The following NPHP4 variants were observed in gnomAD, a reference collection of about 807,000 sequenced individuals.
NPHP4 encodes nephrocystin 4, also known as nephrocystin-4.
In NPHP4, 151 loss-of-function variants were observed where a neutral mutation model predicts 155.8. That is an observed-to-expected ratio of 0.97 (90% CI 0.85 to 1.11). The LOEUF (loss-of-function observed/expected upper bound fraction) is 1.11, where lower values mean the gene tolerates loss of function less well. Ranked by LOEUF, NPHP4 falls within the 50% of genes least tolerant of loss-of-function variation. NPHP4 has a pLI of 0.00. For missense variants in NPHP4, 1,956 were observed against 1,925.7 expected, an observed-to-expected ratio of 1.02 and a Z score of -0.29; for synonymous variants, 845 against 816.8, an observed-to-expected ratio of 1.03 and a Z score of -0.59.
chr1:5,924,243 G>A (rs994545048), intron 11 of NPHP4, among the ~76,000 whole-genome samples: 2 of 152,166 alleles, frequency 1.3e-5, no homozygotes, highest in East Asian at 1.9e-4. Context: ...CGAGCTGTGA[G>A]GCAATTTCTG....
At chr1:5,936,485 C>T (rs898747692) in intron 9 of NPHP4, among the ~76,000 whole-genome samples, 7 of 152,106 alleles carry the variant, frequency 4.6e-5, no homozygotes, top group Admixed American at 6.6e-5. Flanking sequence ...ATTCCTTTTC[C>T]TGCCCAACTT....
In NPHP4 at chr1:5,967,510, G is replaced by A. The variant is rs1651751626; in HGVS notation, c.453-147C>T. On this transcript the variant is annotated intron_variant, in intron 4 of 29. Transcript: ENST00000378156. ...CTCTGCGGAAGGCAGAGGCAGCTGAGGCCAGCAGCAGCTCCCCAAGCCGTT... is the reference window on the plus strand; with the variant it reads ...CTCTGCGGAAGGCAGAGGCAGCTGAAGCCAGCAGCAGCTCCCCAAGCCGTT... The A allele has an allele frequency of 9.1e-6, 6 of 662,216 alleles. No individual in the cohort carries two copies. In the East Asian group the frequency reaches 1.6e-4, roughly 18 times the overall value. The allele number at this position is 662,216 out of a possible 1,614,324, so 41.0% of individuals were successfully genotyped here. A position where few individuals can be genotyped will look rare whatever the true frequency, so the allele number is the denominator to read the frequency against.
chr1:5,907,167 G>A lies in NPHP4; in HGVS notation c.1559C>T (p.Ala520Val), dbSNP rs747659182. Residue 520 changes from alanine to valine, a missense_variant, in exon 13 of 30, where the codon GCC becomes GTC. Physicochemically the swap from Ala to Val is moderately conservative, Grantham distance 64. Transcript: ENST00000378156. ...SPRSPTQHCL[A>V]RPTSQLPHGS... ...ATGGGGTAGCTGTGAAGTAGGCCTG[G>A]CCAAGCAGTGCTGAGTCGGGGACCG... 6 of 1,589,912 alleles carry A rather than the reference G, an allele frequency of 3.8e-6. No individual in the cohort carries two copies. The highest frequency in any genetic ancestry group is 5.1e-6 in the Non-Finnish European group (6 of 1,167,638).
chr1:5,968,452 A>G (rs1480738635), intron 4 of NPHP4, among the ~76,000 whole-genome samples: 2 of 152,118 alleles, frequency 1.3e-5, no homozygotes, highest in African/African-American at 2.4e-5. Flanking sequence ...AAACACAAAA[A>G]TTAGCCAGGC....
intron 18 of NPHP4, among the ~76,000 whole-genome samples, chr1:5,884,046 G>A (rs1643548439): frequency 6.6e-6 from 1 of 152,296 alleles, no homozygotes; most frequent in Non-Finnish European, 1.5e-5. Flanking sequence ...CAGGTAAGCT[G>A]AATTTACACT....
chr1:5,967,285 G>C lies in NPHP4; in HGVS notation c.517+14C>G. ...AGAGCAGTGAGTGCTGCCAAGGCCA[G>C]GTCTGGCTCTTACGCTCTGCGGGGT... On this transcript the variant is annotated intron_variant, in intron 5 of 29. Coordinates refer to ENST00000378156, the MANE Select transcript of NPHP4 (RefSeq NM_015102.5). 1 of 1,594,300 alleles carries C rather than the reference G, an allele frequency of 6.3e-7. No homozygotes were observed. The highest frequency in any genetic ancestry group is 8.5e-7 in the Non-Finnish European group (1 of 1,170,450).
intron 7 of NPHP4, among the ~76,000 whole-genome samples, chr1:5,948,937 G>C (rs1313899528): frequency 6.6e-6 from 1 of 152,170 alleles, no homozygotes; most frequent in East Asian, 1.9e-4. Context: ...TAAATTATGT[G>C]ATCTTTGCAA....
chr1:5,920,065 G>A (rs1363776037), intron 11 of NPHP4, among the ~76,000 whole-genome samples: 1 of 152,120 alleles, frequency 6.6e-6, no homozygotes, highest in Non-Finnish European at 1.5e-5. Context: ...CCGAGTAGCT[G>A]GGACTACAGG....
At chr1:5,900,428 C>T (rs142919298) in intron 16 of NPHP4, among the ~76,000 whole-genome samples, 1 of 152,260 alleles carries the variant, frequency 6.6e-6, no homozygotes, top group Non-Finnish European at 1.5e-5. Flanking sequence ...GAACTAAATG[C>T]ACAGTGCTGG....
intron 25 of NPHP4, among the ~76,000 whole-genome samples, 177 bp from the exon 26 acceptor site, chr1:5,866,635 A>G (rs1641263491): frequency 6.6e-6 from 1 of 152,202 alleles, no homozygotes; most frequent in African/African-American, 2.4e-5. Context: ...AGAGAAGATC[A>G]TTAGCTTCCT....
intron 1 of NPHP4, among the ~76,000 whole-genome samples, chr1:5,989,114 A>G (rs1655889540): frequency 3.9e-5 from 6 of 151,968 alleles, no homozygotes; most frequent in Admixed American, 3.9e-4. Context: ...CATGGCCCAC[A>G]CTGAGCCATC....
Position 5,952,700 on chromosome 1 carries a change from C to T in NPHP4, c.810G>A (p.Glu270=). The T allele has an allele frequency of 6.4e-7, 1 of 1,552,186 alleles. No homozygotes were observed. Among genetic ancestry groups the T allele is most frequent in the Non-Finnish European group, 8.7e-7 (1 of 1,148,126 alleles). The change falls in exon 7 of 30, where the codon GAG becomes GAA. Residue 270 remains glutamate, a splice_region_variant and synonymous_variant. Transcript: ENST00000378156. The stretch of plus-strand genomic sequence containing the variant: ...CCCCATCACGCTTCTGACTCCACAC[C>T]TCCTGGAAGTGGTCCTGGACGTGGA... ...LELHVQDHFQ[E]GCGPLDGGAL... is the part of the protein sequence containing the mutation.
Position 5,905,721 on chromosome 1 carries a change from C to T in NPHP4, c.1674G>A (p.Leu558=), listed in dbSNP as rs1644883623. 6.2e-7 allele frequency: 1 copy of T among 1,613,492 alleles called. No individual in the cohort carries two copies. The highest frequency in any genetic ancestry group is 8.5e-7 in the Non-Finnish European group (1 of 1,179,726). The change falls in exon 14 of 30, where the codon CTG becomes CTA. Residue 558 remains leucine (L), a synonymous_variant. Transcript: ENST00000378156. The surrounding 1 kb of genome is among the most constrained non-coding windows in gnomAD (Gnocchi z 4.0). Reference sequence around the variant, plus strand: ...GTTCGGCAATGGATGTTTCCAGGACCAGGGAGGTCTGGCTCAGGTCGGCTT... The same window carrying T: ...GTTCGGCAATGGATGTTTCCAGGACTAGGGAGGTCTGGCTCAGGTCGGCTT... ...HLEADLSQTS[L]VLETSIAEQL...
At chr1:5,979,187 CACTTAGTAAACGTT>C (rs1240398590) in intron 2 of NPHP4, among the ~76,000 whole-genome samples, 1 of 152,246 alleles carries the variant, frequency 6.6e-6, no homozygotes, top group Non-Finnish European at 1.5e-5. Context: ...TTCACCTATT[CACTTAGTAAACGTT>C]ACTTACACAT....
intron 10 of NPHP4, among the ~76,000 whole-genome samples, chr1:5,931,959 A>T (rs571221961): frequency 2.2e-4 from 34 of 152,112 alleles, no homozygotes; most frequent in Admixed American, 2.0e-3. Flanking sequence ...CTGTAGTCCT[A>T]GCTACTCAGG....
intron 9 of NPHP4, among the ~76,000 whole-genome samples, chr1:5,945,455 G>A (rs1035701573): frequency 2.0e-5 from 3 of 152,222 alleles, no homozygotes; most frequent in Admixed American, 1.3e-4. Context: ...GACTGTGTCA[G>A]TCCACAGAAC....
In NPHP4 at chr1:5,910,932, C is replaced by G. The variant is rs900112350; in HGVS notation, c.1442-1719G>C. On this transcript the variant is annotated intron_variant, in intron 11 of 29. Coordinates refer to ENST00000378156, the MANE Select transcript of NPHP4 (RefSeq NM_015102.5). The surrounding 1 kb of genome is among the most constrained non-coding windows in gnomAD (Gnocchi z 5.4). ...ACCCTCAGAGGATCCAACTGCCCAG[C>G]CTGGCGGGCACAGCTCCCAGTCCAA... Among the ~76,000 whole-genome samples, 1 of 152,232 alleles carries G rather than the reference C, an allele frequency of 6.6e-6. No homozygotes were observed. The highest frequency in any genetic ancestry group is 1.5e-5 in the Non-Finnish European group (1 of 68,044).
intron 6 of NPHP4, 34 bp from the exon 7 acceptor site, chr1:5,952,870 T>G (rs769536472): frequency 6.4e-6 from 10 of 1,567,140 alleles, no homozygotes; most frequent in South Asian, 4.8e-5. Flanking sequence ...GGGTCATCCT[T>G]GGGAATAAAA....
At chr1:5,929,737 A>C (rs1331109351) in intron 10 of NPHP4, among the ~76,000 whole-genome samples, 1 of 152,140 alleles carries the variant, frequency 6.6e-6, no homozygotes, top group Non-Finnish European at 1.5e-5. Context: ...ATGTTTATGA[A>C]GGATACGGGT....
Sources: allele counts gnomAD v4.1 joint callset (sites outside exome capture counted in the v4.1 genomes callset), GRCh38; gene constraint gnomAD v4.1.1; non-coding constraint Gnocchi (gnomAD v3.1); transcripts MANE v1.5; gene names NCBI Gene and HGNC (gene_info 2026-07-23, HGNC 2026-07-21).